Variants in RYR2 observed in about 807,000 individuals in gnomAD.
RYR2 encodes cardiac muscle ryanodine receptor-calcium release channel.
A neutral mutation model predicts 601.1 loss-of-function variants in RYR2; 227 were observed. The ratio of observed to expected loss-of-function variants is 0.38; its 90% confidence interval spans 0.34 to 0.42. The LOEUF (loss-of-function observed/expected upper bound fraction) is 0.42, where lower values mean the gene tolerates loss of function less well. RYR2 is among the 10% of genes least tolerant of loss of function. The pLI is 1.00. For synonymous variants in RYR2, 2,223 were observed against 2,175.1 expected (o/e 1.02, Z -0.61); for missense variants, 4,646 against 6,156.5 (o/e 0.75, Z 8.21).
Position 237,614,601 on chromosome 1 carries a change from T to C in RYR2, c.5473T>C (p.Phe1825Leu), listed in dbSNP as rs1251481694. ...EFLFVPLIKL[F>L]YTLLIMGIFH... The stretch of plus-strand genomic sequence containing the variant: ...CCTCTTTGTACCTCTCATCAAGCTT[T>C]TCTATACCCTGCTGATCATGGGCAT... Residue 1825 changes from phenylalanine (F) to leucine (L), a missense_variant, in exon 37 of 105, where the codon TTC (phenylalanine) becomes CTC (leucine). By Grantham distance (22) the Phe-to-Leu change is conservative (BLOSUM62 0). Transcript: ENST00000366574. The surrounding 1 kb of genome is among the most constrained non-coding windows in gnomAD (Gnocchi z 4.3). 6.2e-7 allele frequency: 1 copy of C among 1,614,042 alleles called. No individual in the cohort carries two copies. The highest frequency in any genetic ancestry group is 1.7e-5 in the Admixed American group (1 of 60,030).
At chr1:237,808,098 T>A (rs968318268) in intron 99 of RYR2, among the ~76,000 whole-genome samples, 1 of 152,150 alleles carries the variant, frequency 6.6e-6, no homozygotes, top group Non-Finnish European at 1.5e-5. Context: ...GACATTTAAT[T>A]ATAGATTGAG....
intron 1 of RYR2, among the ~76,000 whole-genome samples, chr1:237,085,533 A>G (rs1288567787): frequency 6.6e-6 from 1 of 152,228 alleles, no homozygotes; most frequent in Non-Finnish European, 1.5e-5. Flanking sequence ...CTGAAGCCAC[A>G]AGGGTATACA....
At chr1:237,646,719 A>G (rs1252546902) in intron 48 of RYR2, among the ~76,000 whole-genome samples, 3 of 152,224 alleles carry the variant, frequency 2.0e-5, no homozygotes, top group African/African-American at 7.2e-5. Context: ...GAACAAGCAC[A>G]TAATCTTGCA....
intron 1 of RYR2, among the ~76,000 whole-genome samples, chr1:237,156,724 A>G (rs1675379259): frequency 6.6e-6 from 1 of 152,184 alleles, no homozygotes; most frequent in Non-Finnish European, 1.5e-5. Context: ...GGGCATTGTG[A>G]AAGGAACACA....
At chr1:237,664,057 G>A (rs917320738) in intron 56 of RYR2, among the ~76,000 whole-genome samples, 8 of 152,102 alleles carry the variant, frequency 5.3e-5, no homozygotes, top group Non-Finnish European at 1.0e-4. Context: ...ATATCCCACA[G>A]GTTTTCAACA....
chr1:237,061,276 C>CATCTATCATCT (rs1553275502), intron 1 of RYR2, among the ~76,000 whole-genome samples: 5,467 of 98,778 alleles, frequency 0.055, 206 homozygotes, highest in Non-Finnish European at 0.072. Context: ...ATCCATCTAT[C>CATCTATCATCT]ATCTATCTAT....
intron 3 of RYR2, among the ~76,000 whole-genome samples, chr1:237,354,825 A>G (rs888400201): frequency 6.6e-6 from 1 of 152,212 alleles, no homozygotes; most frequent in Non-Finnish European, 1.5e-5. Flanking sequence ...AAGTAAGTTT[A>G]GAACAGATTT....
At chr1:237,603,413 C>A (rs909636663) in intron 35 of RYR2, among the ~76,000 whole-genome samples, 2 of 152,156 alleles carry the variant, frequency 1.3e-5, no homozygotes, top group East Asian at 1.9e-4. Flanking sequence ...TATTCACTGA[C>A]CCCGTGAGGT....
At chr1:237,403,273 A>G (rs964215637) in intron 10 of RYR2, among the ~76,000 whole-genome samples, 1 of 152,220 alleles carries the variant, frequency 6.6e-6, no homozygotes, top group East Asian at 1.9e-4. Context: ...ATGAAACTCG[A>G]AAAGCAAAAA....
At chr1:237,773,776 A>G (rs986265490) in intron 87 of RYR2, 128 bp downstream of exon 87, 2 of 710,814 alleles carry the variant, frequency 2.8e-6, no homozygotes, top group African/African-American at 3.6e-5. Flanking sequence ...TACAATTAAA[A>G]TATTAGGTTG....
intron 67 of RYR2, among the ~76,000 whole-genome samples, chr1:237,705,979 A>G (rs1688339717): frequency 6.6e-6 from 1 of 152,164 alleles, no homozygotes; most frequent in African/African-American, 2.4e-5. Context: ...GGCTGGGCGC[A>G]GTGGCTCATG....
intron 48 of RYR2, among the ~76,000 whole-genome samples, chr1:237,646,517 C>T (rs1326247661): frequency 6.6e-6 from 1 of 152,106 alleles, no homozygotes. Context: ...GGTCTATAAG[C>T]ATCACCAAGT....
At chr1:237,778,359 A>AT (rs1237690779) in intron 87 of RYR2, among the ~76,000 whole-genome samples, 4 of 147,796 alleles carry the variant, frequency 2.7e-5, no homozygotes, top group Non-Finnish European at 4.5e-5. Context: ...CCCAGACCTT[A>AT]TTTTTTTTCC....
chr1:237,751,347 G>C (rs1031282024), intron 80 of RYR2, among the ~76,000 whole-genome samples: 6 of 152,174 alleles, frequency 3.9e-5, no homozygotes, highest in Admixed American at 6.5e-5. Context: ...TCCCTCTAAT[G>C]ATGAGTCAAC....
chr1:237,578,818 C>G (rs1418317403), intron 29 of RYR2, among the ~76,000 whole-genome samples: 1 of 151,890 alleles, frequency 6.6e-6, no homozygotes, highest in Non-Finnish European at 1.5e-5. Flanking sequence ...CTCAGTGTCT[C>G]TTCCTGCCTG....
At chr1:237,173,473 A>AG in intron 1 of RYR2, among the ~76,000 whole-genome samples, 1 of 152,330 alleles carries the variant, frequency 6.6e-6, no homozygotes, top group East Asian at 1.9e-4. Context: ...AGTGGTCGGA[A>AG]GGGCACCTGC....
chr1:237,539,349 A>G (rs1055529668), intron 25 of RYR2, among the ~76,000 whole-genome samples: 3 of 152,200 alleles, frequency 2.0e-5, no homozygotes, highest in African/African-American at 7.2e-5. Context: ...GTCGATTCCT[A>G]CACGCAACCC....
chr1:237,583,677 G>C (rs372378375), intron 29 of RYR2, among the ~76,000 whole-genome samples: 7 of 152,228 alleles, frequency 4.6e-5, no homozygotes, highest in African/African-American at 1.4e-4. Flanking sequence ...ATTCTTAACT[G>C]TATTTCAGAA....
At chr1:237,792,416 T>C (rs1159806914) in intron 94 of RYR2, 93 bp downstream of exon 94, 10 of 784,950 alleles carry the variant, frequency 1.3e-5, no homozygotes, top group Middle Eastern at 3.8e-4. Flanking sequence ...TGTGTGTGTG[T>C]GTGTGTGTTT....
Sources: allele counts gnomAD v4.1 joint callset (sites outside exome capture counted in the v4.1 genomes callset), GRCh38; gene constraint gnomAD v4.1.1; non-coding constraint Gnocchi (gnomAD v3.1); transcripts MANE v1.5; gene names NCBI Gene and HGNC (gene_info 2026-07-23, HGNC 2026-07-21).